CECR2: variants seen among roughly 807,000 people sequenced by gnomAD.
CECR2 encodes CECR2 histone acetyl-lysine reader, also known as chromatin remodeling regulator CECR2.
Under a neutral mutation model 154.5 loss-of-function variants are expected in CECR2, and 30 were observed. That is an observed-to-expected ratio of 0.19 (90% confidence interval 0.15 to 0.26). The LOEUF is 0.26. Among genes scored for constraint, CECR2 ranks in the 10% least tolerant of loss-of-function variants. CECR2 has a pLI of 1.00. For synonymous variants in CECR2, 725 were observed against 683.7 expected, an observed-to-expected ratio of 1.06 and a Z score of -0.94; for missense variants, 1,743 against 1,829.3, an observed-to-expected ratio of 0.95 and a Z score of 0.86.
At chr22:17,469,293 T>C (rs5992718) in intron 1 of CECR2, among the ~76,000 whole-genome samples, 57,601 of 151,542 alleles carry the variant, frequency 0.38, 11,288 homozygotes, top group East Asian at 0.58. Context: ...TGGGGATTAG[T>C]TTTCTAGTAT....
intron 14 of CECR2, 94 bp downstream of exon 14, chr22:17,540,894 T>C: frequency 7.8e-7 from 1 of 1,278,734 alleles, no homozygotes; most frequent in Non-Finnish European, 1.1e-6. Context: ...TGCAAAATAC[T>C]TACGTGTATG....
At chr22:17,531,003 C>T (rs2056346171) in intron 9 of CECR2, among the ~76,000 whole-genome samples, 1 of 152,140 alleles carries the variant, frequency 6.6e-6, no homozygotes, top group Non-Finnish European at 1.5e-5. Flanking sequence ...CACAACATTA[C>T]TTACACACTT....
intron 7 of CECR2, among the ~76,000 whole-genome samples, chr22:17,509,242 A>C (rs59408869): frequency 6.6e-6 from 1 of 151,846 alleles, no homozygotes; most frequent in Non-Finnish European, 1.5e-5. Context: ...CAGATGGAGA[A>C]AAAAAAAGAA....
intron 1 of CECR2, among the ~76,000 whole-genome samples, chr22:17,423,300 C>G (rs1299812848): frequency 6.6e-6 from 1 of 152,040 alleles, no homozygotes; most frequent in African/African-American, 2.4e-5. Context: ...TGGGTGTTCC[C>G]TTCCCCTGCG....
At chr22:17,522,589 G>C (rs2056176951) in intron 8 of CECR2, among the ~76,000 whole-genome samples, 1 of 152,178 alleles carries the variant, frequency 6.6e-6, no homozygotes, top group African/African-American at 2.4e-5. Context: ...GACACCTTAT[G>C]GGTACAGTGT....
At chr22:17,507,889 A>G (rs930037741) in intron 7 of CECR2, among the ~76,000 whole-genome samples, 3 of 152,168 alleles carry the variant, frequency 2.0e-5, no homozygotes, top group Non-Finnish European at 4.4e-5. Flanking sequence ...ATCTTAGCAG[A>G]CTAATAATTA....
At chr22:17,549,672 G>T (rs1382650167) in intron 17 of CECR2, 108 bp downstream of exon 17, 1 of 999,684 alleles carries the variant, frequency 1.0e-6, no homozygotes, top group African/African-American at 1.6e-5. Flanking sequence ...GAGTGCAGTG[G>T]TGTGATCATG....
At chr22:17,390,826 T>C (rs2063318216) in intron 1 of CECR2, among the ~76,000 whole-genome samples, 1 of 137,130 alleles carries the variant, frequency 7.3e-6, no homozygotes, top group South Asian at 2.2e-4. Flanking sequence ...ATAAAAAGAC[T>C]TTGATTTTTT....
chr22:17,520,627 A>G (rs1195279115), intron 8 of CECR2, among the ~76,000 whole-genome samples: 3 of 150,356 alleles, frequency 2.0e-5, no homozygotes, highest in African/African-American at 7.4e-5. Context: ...CCCTGTGCCC[A>G]AGTGTTCTCA....
intron 1 of CECR2, among the ~76,000 whole-genome samples, chr22:17,409,407 A>C (rs2054034754): frequency 9.0e-6 from 1 of 110,626 alleles, no homozygotes; most frequent in Admixed American, 9.6e-5. Context: ...TAATTTTTGT[A>C]TTTTTAGTAG....
Position 17,405,671 on chromosome 22 carries a change from C to T in CECR2, c.126+35762C>T, listed in dbSNP as rs1308772444. ...AAAAAAAAAAAAAAAAAAAAATTTT[C>T]AATTGTTTGCTAGTATTAGAAATAG... On this transcript the variant is annotated intron_variant, in intron 1 of 18. Transcript: ENST00000262608. Among the ~76,000 whole-genome samples, 35 of 131,518 alleles carry T rather than the reference C, an allele frequency of 2.7e-4. 1 individual carries two copies. The highest frequency in any genetic ancestry group is 3.3e-4 in the African/African-American group (12 of 35,932). The allele number at this position is 131,518 out of a possible 152,430, so 86.3% of individuals were successfully genotyped here.
At chr22:17,491,626 C>T (rs1191410458) in intron 2 of CECR2, among the ~76,000 whole-genome samples, 3 of 148,816 alleles carry the variant, frequency 2.0e-5, no homozygotes, top group Non-Finnish European at 4.5e-5. Context: ...CAATATATAT[C>T]CTTAAATTTT....
intron 8 of CECR2, among the ~76,000 whole-genome samples, chr22:17,519,290 GTGTT>G (rs1420516271): frequency 0.029 from 2,898 of 99,062 alleles, 76 homozygotes; most frequent in African/African-American, 0.09. Context: ...CAGGTGTTTT[GTGTT>G]TTTTTTTTTT....
chr22:17,552,908 G>A lies in CECR2; in HGVS notation c.*68G>A, dbSNP rs1455794399. On this transcript the variant is annotated 3_prime_UTR_variant, in exon 19 of 19. Coordinates refer to ENST00000262608, the MANE Select transcript of CECR2 (RefSeq NM_001290047.2). ...GAAGACTGGAATGTGGAGAACTGGG[G>A]AGTGCCCTGTCAGCTCTATTCCCAT... The A allele has an allele frequency of 6.5e-7, 1 of 1,539,264 alleles. No homozygotes were observed. Among genetic ancestry groups the A allele is most frequent in the Non-Finnish European group, 8.7e-7 (1 of 1,143,272 alleles).
At chr22:17,485,151 C>T (rs1372203580) in intron 2 of CECR2, among the ~76,000 whole-genome samples, 1 of 152,268 alleles carries the variant, frequency 6.6e-6, no homozygotes, top group Non-Finnish European at 1.5e-5. Context: ...CTCATTTAAT[C>T]CTTCCGACAG....
chr22:17,376,763 C>T (rs1336528953), intron 1 of CECR2, among the ~76,000 whole-genome samples: 4 of 151,824 alleles, frequency 2.6e-5, no homozygotes, highest in Admixed American at 1.3e-4. Flanking sequence ...CTCAGCCTCC[C>T]GAGTAGCTGG....
chr22:17,437,370 G>C (rs5746379), intron 1 of CECR2, among the ~76,000 whole-genome samples: 1 of 151,936 alleles, frequency 6.6e-6, no homozygotes, highest in South Asian at 2.1e-4. Flanking sequence ...CCACAGGATC[G>C]GCCAGCTTAG....
At chr22:17,361,162 CAAACAAAGCAAAACA>C (rs567725805) in intron 1 of CECR2, among the ~76,000 whole-genome samples, 40 of 152,048 alleles carry the variant, frequency 2.6e-4, no homozygotes, top group East Asian at 5.8e-4. Context: ...GACCCTGTCT[CAAACAAAGCAAAACA>C]AAACAAAGCA....
intron 18 of CECR2, 145 bp from the exon 19 acceptor site, chr22:17,552,690 C>A: frequency 2.6e-6 from 2 of 759,656 alleles, no homozygotes; most frequent in Non-Finnish European, 4.2e-6. Context: ...TAGAACCTAC[C>A]CTCTGGAAGT....
Sources: allele counts gnomAD v4.1 joint callset (sites outside exome capture counted in the v4.1 genomes callset), GRCh38; gene constraint gnomAD v4.1.1; transcripts MANE v1.5; gene names NCBI Gene and HGNC (gene_info 2026-07-23, HGNC 2026-07-21).